Variants in PTPN2 observed in about 807,000 individuals in gnomAD.
PTPN2 encodes tyrosine-protein phosphatase non-receptor type 2.
PTPN2 carries 19 observed loss-of-function variants against 57.3 expected under a neutral mutation model. The observed-to-expected ratio is 0.33, with a 90% CI of 0.23 to 0.49. The LOEUF is 0.49. PTPN2 is among the 20% of genes least tolerant of loss of function. The pLI is 0.99. For missense variants in PTPN2, 358 were observed against 501.1 expected, an observed-to-expected ratio of 0.71 and a Z score of 2.73; for synonymous variants, 153 against 164.9, an observed-to-expected ratio of 0.93 and a Z score of 0.55.
At chr18:12,859,349 T>C (rs1361489927) in intron 1 of PTPN2, 95 bp from the exon 2 acceptor site, 7 of 785,306 alleles carry the variant, frequency 8.9e-6, no homozygotes, top group African/African-American at 1.7e-5. Flanking sequence ...GAAGCACTTA[T>C]GATATGCCAA....
intron 1 of PTPN2, among the ~76,000 whole-genome samples, chr18:12,860,700 T>C (rs1029206921): frequency 1.3e-5 from 2 of 152,180 alleles, no homozygotes; most frequent in African/African-American, 4.8e-5. Context: ...AGGCGGAGGC[T>C]GCAGTGAGCT....
At chr18:12,798,619 T>C (rs1051921561) in intron 8 of PTPN2, among the ~76,000 whole-genome samples, 1 of 152,222 alleles carries the variant, frequency 6.6e-6, no homozygotes, top group African/African-American at 2.4e-5. Context: ...TAGTATTCCA[T>C]GCTGTATATG....
chr18:12,874,468 C>T (rs1170311452), intron 1 of PTPN2, among the ~76,000 whole-genome samples: 2 of 143,850 alleles, frequency 1.4e-5, no homozygotes, highest in Admixed American at 1.4e-4. Flanking sequence ...CGCCTCTGCC[C>T]GGCCGCCCCT....
intron 1 of PTPN2, among the ~76,000 whole-genome samples, chr18:12,882,585 T>C (rs1186193613): frequency 6.6e-6 from 1 of 152,236 alleles, no homozygotes; most frequent in Non-Finnish European, 1.5e-5. Flanking sequence ...CAAATGTAAC[T>C]GGAGAAGATG....
At chr18:12,882,109 G>A (rs1318224392) in intron 1 of PTPN2, among the ~76,000 whole-genome samples, 1 of 152,202 alleles carries the variant, frequency 6.6e-6, no homozygotes, top group Non-Finnish European at 1.5e-5. Context: ...TTGTGGAATG[G>A]CTGAATGGAT....
At chr18:12,795,796 G>C (rs948733887) in intron 8 of PTPN2, among the ~76,000 whole-genome samples, 1 of 152,038 alleles carries the variant, frequency 6.6e-6, no homozygotes, top group Non-Finnish European at 1.5e-5. Flanking sequence ...CAACATATAG[G>C]TTACTATTTC....
At chr18:12,881,388 C>T (rs1056029982) in intron 1 of PTPN2, among the ~76,000 whole-genome samples, 1 of 151,990 alleles carries the variant, frequency 6.6e-6, no homozygotes, top group African/African-American at 2.4e-5. Flanking sequence ...AGTGAGCTGA[C>T]GTCGCACCAC....
At chr18:12,811,112 A>AT (rs1476737319) in intron 7 of PTPN2, among the ~76,000 whole-genome samples, 2 of 152,188 alleles carry the variant, frequency 1.3e-5, no homozygotes, top group African/African-American at 4.8e-5. Context: ...TATTACCATT[A>AT]TTACACCCTT....
Position 12,884,055 on chromosome 18 carries a change from C to G in PTPN2, c.69+18G>C. 2 of 1,561,406 alleles carry G rather than the reference C, an allele frequency of 1.3e-6. No individual in the cohort carries two copies. The highest frequency in any genetic ancestry group is 1.7e-6 in the Non-Finnish European group (2 of 1,154,612). On this transcript the variant is annotated intron_variant, in intron 1 of 8. Transcript: ENST00000309660. ...TCTCGGAGGAGGTCGGCGACTGCCGCGTGGGTCCGCGACTCACCAAGTACA... is the reference window on the plus strand; with the variant it reads ...TCTCGGAGGAGGTCGGCGACTGCCGGGTGGGTCCGCGACTCACCAAGTACA...
chr18:12,800,830 G>A (rs2041392934), intron 8 of PTPN2, among the ~76,000 whole-genome samples: 1 of 152,172 alleles, frequency 6.6e-6, no homozygotes, highest in Admixed American at 6.5e-5. Context: ...TTTGCTATGT[G>A]ACTTATACCA....
At chr18:12,816,776 T>C (rs2042090942) in intron 6 of PTPN2, among the ~76,000 whole-genome samples, 2 of 152,220 alleles carry the variant, frequency 1.3e-5, no homozygotes, top group African/African-American at 4.8e-5. Context: ...CTGTGAAGTA[T>C]GTCTATCATT....
rs1555660844 is a variant in PTPN2 at position 12,807,600 on chromosome 18, T to TATACAC, written c.859-5450_859-5449insGTGTAT. On this transcript the variant is annotated intron_variant, in intron 7 of 8. Coordinates refer to ENST00000309660, the MANE Select transcript of PTPN2 (RefSeq NM_002828.4). Reference sequence around the variant, plus strand: ...AAAAAAAAAAAAATATATATATATATATATAATATAATACTATTTGGCCAT... The same window carrying TATACAC: ...AAAAAAAAAAAAATATATATATATATATACACATATAATATAATACTATTTGGCCAT... Among the ~76,000 whole-genome samples the TATACAC allele has an allele frequency of 1.8e-4, 15 of 85,216 alleles. No homozygotes were observed. In the South Asian group the frequency reaches 3.0e-3, roughly 17 times the overall value. The allele number at this position is 85,216 out of a possible 152,430, so 55.9% of individuals were successfully genotyped here.
chr18:12,874,426 C>T (rs2044400352), intron 1 of PTPN2, among the ~76,000 whole-genome samples: 1 of 149,196 alleles, frequency 6.7e-6, no homozygotes, highest in Non-Finnish European at 1.5e-5. Context: ...CAGCCCCCGC[C>T]CGGCCTGCCG....
At chr18:12,836,605 C>T (rs1228565663) in intron 3 of PTPN2, among the ~76,000 whole-genome samples, 186 bp downstream of exon 3, 1 of 152,208 alleles carries the variant, frequency 6.6e-6, no homozygotes, top group African/African-American at 2.4e-5. Context: ...AAATAACTTG[C>T]CTTTTATCTT....
chr18:12,815,577 GA>G (rs1056538433), intron 6 of PTPN2, among the ~76,000 whole-genome samples: 7 of 151,758 alleles, frequency 4.6e-5, no homozygotes, highest in African/African-American at 1.5e-4. Flanking sequence ...AAAAATAAAA[GA>G]AAAAAAATTG....
At chr18:12,834,003 G>C (rs1269659353) in intron 3 of PTPN2, among the ~76,000 whole-genome samples, 2 of 152,102 alleles carry the variant, frequency 1.3e-5, no homozygotes, top group Non-Finnish European at 2.9e-5. Context: ...GGCTCCTTCA[G>C]GACACACACA....
intron 6 of PTPN2, among the ~76,000 whole-genome samples, chr18:12,815,125 TAAATAAATAAAAA>T: frequency 8.4e-6 from 1 of 118,624 alleles, no homozygotes; most frequent in East Asian, 2.3e-4. Context: ...AATAAATAAA[TAAATAAATAAAAA>T]TGTGGTGGGT....
chr18:12,859,137 C>T (rs772696335), intron 2 of PTPN2, 27 bp downstream of exon 2: 1 of 1,577,796 alleles, frequency 6.3e-7, no homozygotes, highest in African/African-American at 1.4e-5. Flanking sequence ...AAAAAATACA[C>T]ATGCACACAA....
intron 2 of PTPN2, among the ~76,000 whole-genome samples, chr18:12,838,200 A>G (rs1340476112): frequency 2.0e-5 from 3 of 152,236 alleles, no homozygotes; most frequent in Admixed American, 1.3e-4. Flanking sequence ...GTATTTCCTC[A>G]TGTTGTAATC....
Sources: allele counts gnomAD v4.1 joint callset (sites outside exome capture counted in the v4.1 genomes callset), GRCh38; gene constraint gnomAD v4.1.1; transcripts MANE v1.5; gene names NCBI Gene and HGNC (gene_info 2026-07-23, HGNC 2026-07-21).